Variants in PTPRN2 observed in about 807,000 individuals in gnomAD.
The protein encoded by PTPRN2 is receptor-type tyrosine-protein phosphatase N2.
In PTPRN2, 74 loss-of-function variants were observed where a neutral mutation model predicts 118.8. The ratio of observed to expected loss-of-function variants is 0.62; its 90% CI spans 0.52 to 0.76. The LOEUF (loss-of-function observed/expected upper bound fraction) is 0.76, where lower values mean the gene tolerates loss of function less well. PTPRN2 is among the 30% of genes least tolerant of loss of function. The pLI is 0.00. For synonymous variants in PTPRN2, 641 were observed against 608.0 expected (o/e 1.05, Z -0.80); for missense variants, 1,481 against 1,394.4 (o/e 1.06, Z -0.99).
At chr7:158,433,467 G>T (rs1488600973) in intron 2 of PTPRN2, among the ~76,000 whole-genome samples, 5 of 152,016 alleles carry the variant, frequency 3.3e-5, no homozygotes, top group Admixed American at 2.6e-4. Context: ...TGATCACAGG[G>T]TAAAAAAAAT....
At chr7:158,110,141 T>C (rs555016471) in intron 10 of PTPRN2, among the ~76,000 whole-genome samples, 24 of 152,358 alleles carry the variant, frequency 1.6e-4, no homozygotes, top group African/African-American at 4.1e-4. Flanking sequence ...CCTCTGTGGA[T>C]GTCACTCTAC....
chr7:158,346,314 G>C (rs73510370), intron 2 of PTPRN2, among the ~76,000 whole-genome samples: 3 of 151,956 alleles, frequency 2.0e-5, no homozygotes, highest in Non-Finnish European at 4.4e-5. Flanking sequence ...GGCCTCTGGC[G>C]ACCTCAGTTC....
chr7:158,556,923 G>T lies in PTPRN2; in HGVS notation c.112+30635C>A, dbSNP rs373134563. 7.5e-3 allele frequency among the ~76,000 whole-genome samples: 1,097 copies of T among 145,862 alleles called. 15 individuals are homozygous for T. The highest frequency in any genetic ancestry group is 0.026 in the African/African-American group (1,011 of 38,954). ...TCCCGTGCAGGTCGCTCCCACGCAG[G>T]TCAGGCGGCTCCCGCGCAGGTCACT... On this transcript the variant is annotated intron_variant, in intron 1 of 22. Transcript: ENST00000389418.
At chr7:157,581,095 T>C (rs942058598) in intron 17 of PTPRN2, among the ~76,000 whole-genome samples, 1,056 of 29,642 alleles carry the variant, frequency 0.036, no homozygotes, top group Middle Eastern at 0.045. Flanking sequence ...CCCTGCACAC[T>C]CCAGCACCTG....
intron 2 of PTPRN2, among the ~76,000 whole-genome samples, chr7:158,385,297 CACCACTGGAAAA>C (rs2151357642): frequency 1.7e-5 from 1 of 59,712 alleles, no homozygotes; most frequent in African/African-American, 7.2e-5. Context: ...GCAAGAAAGA[CACCACTGGAAAA>C]AAAAAGGTTT....
At chr7:158,017,337 T>C (rs1475312539) in intron 11 of PTPRN2, among the ~76,000 whole-genome samples, 2 of 151,980 alleles carry the variant, frequency 1.3e-5, no homozygotes, top group Admixed American at 6.5e-5. Context: ...CCAGTGCTCC[T>C]GAGGTTCCCA....
intron 12 of PTPRN2, among the ~76,000 whole-genome samples, chr7:157,888,038 C>T (rs562236254): frequency 7.7e-6 from 1 of 129,928 alleles, no homozygotes; most frequent in East Asian, 2.2e-4. Context: ...CCACAGGCTC[C>T]CTGAAACGCA....
chr7:157,648,522 T>G (rs1447308022), intron 14 of PTPRN2, among the ~76,000 whole-genome samples: 1 of 134,014 alleles, frequency 7.5e-6, no homozygotes, highest in Non-Finnish European at 1.6e-5. Flanking sequence ...TGCACTGAAC[T>G]CGGTGGGTCA....
intron 3 of PTPRN2, among the ~76,000 whole-genome samples, chr7:158,263,354 A>C (rs1797660888): frequency 7.2e-6 from 1 of 138,548 alleles, no homozygotes; most frequent in Non-Finnish European, 1.6e-5. Context: ...ATGTGTACAC[A>C]TATGAGCACA....
At chr7:158,070,882 TG>T in intron 11 of PTPRN2, among the ~76,000 whole-genome samples, 1 of 115,864 alleles carries the variant, frequency 8.6e-6, no homozygotes, top group Non-Finnish European at 1.7e-5. Flanking sequence ...GTGCCCATGG[TG>T]GTGGAGGTGC....
chr7:157,976,469 C>CCCCTT (rs1802757292), intron 11 of PTPRN2, among the ~76,000 whole-genome samples: 1 of 148,614 alleles, frequency 6.7e-6, no homozygotes, highest in Non-Finnish European at 1.5e-5. Flanking sequence ...GCCCCCCCCA[C>CCCCTT]CAATTACCCC....
intron 1 of PTPRN2, among the ~76,000 whole-genome samples, chr7:158,516,427 G>A (rs901257129): frequency 6.6e-6 from 1 of 152,218 alleles, no homozygotes; most frequent in African/African-American, 2.4e-5. Context: ...CTTTCCCCTT[G>A]TTCCTTCCCA....
rs1235248925 is a variant in PTPRN2 at position 158,568,060 on chromosome 7, C to T, written c.112+19498G>A. 3.3e-5 allele frequency among the ~76,000 whole-genome samples: 5 copies of T among 152,154 alleles called. No individual in the cohort carries two copies. The East Asian group carries it at 9.6e-4, about 29-fold the overall frequency. Reference sequence around the variant, plus strand: ...TTGAGGTCACAAGTTCGAGACCAGCCTGGCCAACATGGTGAAACCTCGTAT... The same window carrying T: ...TTGAGGTCACAAGTTCGAGACCAGCTTGGCCAACATGGTGAAACCTCGTAT... On this transcript the variant is annotated intron_variant, in intron 1 of 22. Transcript: ENST00000389418.
At chr7:158,034,970 C>A (rs1807992342) in intron 11 of PTPRN2, among the ~76,000 whole-genome samples, 1 of 152,278 alleles carries the variant, frequency 6.6e-6, no homozygotes, top group Non-Finnish European at 1.5e-5. Context: ...TCCCTGCTAT[C>A]TGCCCTGAGC....
chr7:158,346,626 T>C (rs1807533597), intron 2 of PTPRN2, among the ~76,000 whole-genome samples: 1 of 152,236 alleles, frequency 6.6e-6, no homozygotes, highest in South Asian at 2.1e-4. Context: ...TTCCTTTGGA[T>C]AAATACCTCA....
intron 2 of PTPRN2, among the ~76,000 whole-genome samples, chr7:158,379,171 A>G (rs1982449): frequency 0.98 from 149,052 of 152,284 alleles, 72,959 homozygotes; most frequent in East Asian, 1. Flanking sequence ...CCTAGAGCAG[A>G]GAACAGCAAG....
At position 158,337,524 on chromosome 7, in the gene PTPRN2, G is replaced by T. The variant is rs6973459; in HGVS notation, c.164-20592C>A. Reference sequence around the variant, plus strand: ...ACTCGCACCCACACTCTCACCATAAGAGGTGACACCTGCAGACGTCATTCA... The same window carrying T: ...ACTCGCACCCACACTCTCACCATAATAGGTGACACCTGCAGACGTCATTCA... On this transcript the variant is annotated intron_variant, in intron 2 of 22. Coordinates refer to ENST00000389418, the MANE Select transcript of PTPRN2 (RefSeq NM_002847.5). Among the ~76,000 whole-genome samples the T allele has an allele frequency of 1.8e-3, 251 of 140,724 alleles. 1 individual carries two copies. The highest frequency in any genetic ancestry group is 7.1e-3 in the Middle Eastern group (2 of 280). The allele number at this position is 140,724 out of a possible 152,430, so 92.3% of individuals were successfully genotyped here.
chr7:157,689,861 G>C (rs901047628), intron 12 of PTPRN2, among the ~76,000 whole-genome samples: 1 of 152,188 alleles, frequency 6.6e-6, no homozygotes, highest in African/African-American at 2.4e-5. Context: ...TTCGCCGCCC[G>C]CTGGGATACT....
At chr7:157,838,192 T>C (rs6973674) in intron 12 of PTPRN2, among the ~76,000 whole-genome samples, 545 of 67,588 alleles carry the variant, frequency 8.1e-3, no homozygotes, top group Middle Eastern at 0.066. Flanking sequence ...TAGTGGATGG[T>C]ACGGGAGAAA....
Sources: allele counts gnomAD v4.1 joint callset (sites outside exome capture counted in the v4.1 genomes callset), GRCh38; gene constraint gnomAD v4.1.1; transcripts MANE v1.5; gene names NCBI Gene and HGNC (gene_info 2026-07-23, HGNC 2026-07-21).